PEMT: variants seen among roughly 807,000 people sequenced by gnomAD.
PEMT encodes phospholipid methyltransferase.
A neutral mutation model predicts 27.4 loss-of-function variants in PEMT; 23 were observed. The observed-to-expected ratio is 0.84, with a 90% CI of 0.60 to 1.19. The LOEUF (loss-of-function observed/expected upper bound fraction) is 1.19. Ranked by LOEUF, PEMT falls within the 50% of genes most tolerant of loss-of-function variation. PEMT has a pLI of 0.00. For missense variants in PEMT, 307 were observed against 310.1 expected, an observed-to-expected ratio of 0.99 and a Z score of 0.07; for synonymous variants, 137 against 139.1, an observed-to-expected ratio of 0.98 and a Z score of 0.11.
chr17:17,591,731 C>T, upstream of PEMT: 1 of 1,487,472 alleles, frequency 6.7e-7, no homozygotes. Context: ...GGCGCTTTCC[C>T]GGTGACCCCC....
chr17:17,556,331 T>C lies in PEMT; in HGVS notation c.204+20589A>G, dbSNP rs577752168. Among the ~76,000 whole-genome samples the C allele has an allele frequency of 4.0e-5, 6 of 151,416 alleles. No homozygotes were observed. In the East Asian group the frequency reaches 1.2e-3, roughly 29 times the overall value. On this transcript the variant is annotated intron_variant, in intron 2 of 6. Transcript: ENST00000255389. ...TGGATGCTCAGCCAAGGCCGGAGCCTTCTGCATGGGAGCCTTCCTTCCTTC... is the reference window on the plus strand; with the variant it reads ...TGGATGCTCAGCCAAGGCCGGAGCCCTCTGCATGGGAGCCTTCCTTCCTTC...
At position 17,505,809 on chromosome 17, in the gene PEMT, C is replaced by T. The variant is rs1905778122; in HGVS notation, c.693G>A (p.Gly231=). 1.2e-6 allele frequency: 2 copies of T among 1,611,486 alleles called. No homozygotes were observed. Among genetic ancestry groups the T allele is most frequent in the Non-Finnish European group, 8.5e-7 (1 of 1,178,670 alleles). The change falls in exon 7 of 7, where the codon GGG becomes GGA. Residue 231 remains glycine, a synonymous_variant. Coordinates refer to ENST00000255389, the MANE Select transcript of PEMT (RefSeq NM_148172.3). ...AGCTCAATCAGCTCCTCTTGTGGGA[C>T]CCGGAGGCTTTCTGCCGGTAGATCT... ...TAEIYRQKAS[G]SHKRS
At chr17:17,562,882 C>A (rs1188560174) in intron 2 of PEMT, among the ~76,000 whole-genome samples, 1 of 152,146 alleles carries the variant, frequency 6.6e-6, no homozygotes, top group African/African-American at 2.4e-5. Context: ...TTCCCCATCC[C>A]CCTGCCCCAT....
intron 1 of PEMT, among the ~76,000 whole-genome samples, chr17:17,586,324 C>A (rs1490763544): frequency 6.7e-6 from 1 of 150,006 alleles, no homozygotes; most frequent in African/African-American, 2.4e-5. Context: ...CGGGAGGACG[C>A]AGCTGACCTG....
chr17:17,512,954 G>A lies in PEMT; in HGVS notation c.321-300C>T, dbSNP rs1906531766. Among the ~76,000 whole-genome samples, 1 of 152,182 alleles carries A rather than the reference G, an allele frequency of 6.6e-6. No homozygotes were observed. Among genetic ancestry groups the A allele is most frequent in the Admixed American group, 6.5e-5 (1 of 15,286 alleles). ...TAGACAATTCATGAAAGCCACTTTAGACCCTGCATGTGAGCAGGCTGGATT... is the reference window on the plus strand; with the variant it reads ...TAGACAATTCATGAAAGCCACTTTAAACCCTGCATGTGAGCAGGCTGGATT... On this transcript the variant is annotated intron_variant, in intron 3 of 6. Transcript: ENST00000255389. This position sits in a 1 kb window ranked among gnomAD's most constrained non-coding sequence, Gnocchi z 6.3.
chr17:17,566,068 AC>A, intron 2 of PEMT, among the ~76,000 whole-genome samples: 1 of 152,234 alleles, frequency 6.6e-6, no homozygotes, highest in Non-Finnish European at 1.5e-5. Flanking sequence ...GTTTTGGGTC[AC>A]CAAGTAGGTT....
At chr17:17,567,320 C>T (rs906345544) in intron 2 of PEMT, among the ~76,000 whole-genome samples, 4 of 152,270 alleles carry the variant, frequency 2.6e-5, no homozygotes, top group African/African-American at 7.2e-5. Context: ...TTTGTCACCA[C>T]GTTGCTCAGG....
At chr17:17,573,990 C>G (rs2142734320) in intron 2 of PEMT, among the ~76,000 whole-genome samples, 1 of 152,104 alleles carries the variant, frequency 6.6e-6, no homozygotes, top group East Asian at 1.9e-4. Context: ...CCATGTTCCC[C>G]AGGATGGTCT....
chr17:17,514,152 G>A (rs1567667723), intron 3 of PEMT, among the ~76,000 whole-genome samples: 1 of 152,200 alleles, frequency 6.6e-6, no homozygotes, highest in South Asian at 2.1e-4. Flanking sequence ...GCAGATTGAA[G>A]CCCCCATCTT....
chr17:17,587,327 G>A (rs1912368566), intron 1 of PEMT, among the ~76,000 whole-genome samples: 2 of 152,100 alleles, frequency 1.3e-5, no homozygotes, highest in Non-Finnish European at 2.9e-5. Flanking sequence ...AAGTAACTTA[G>A]ATGAAATGAA....
intron 4 of PEMT, among the ~76,000 whole-genome samples, chr17:17,510,599 A>G (rs1211507235): frequency 6.6e-6 from 1 of 152,228 alleles, no homozygotes; most frequent in Non-Finnish European, 1.5e-5. Flanking sequence ...TAGATGGCAC[A>G]GAAACCCAAT....
intron 3 of PEMT, among the ~76,000 whole-genome samples, chr17:17,519,237 G>C (rs922751646): frequency 1.3e-5 from 2 of 152,174 alleles, no homozygotes; most frequent in African/African-American, 4.8e-5. Context: ...CAGGGGCCTG[G>C]AGGGGAAGAA....
At position 17,522,372 on chromosome 17, in the gene PEMT, G is replaced by A. The variant is rs145893722; in HGVS notation, c.228C>T (p.Thr76=). 35 of 1,613,558 alleles carry A rather than the reference G, an allele frequency of 2.2e-5. No homozygotes were observed. The African/African-American group carries it at 4.3e-4, about 20-fold the overall frequency. ...WNVVARWEHK[T]RKLSRAFGSP... is the part of the protein sequence containing the mutation. ...ATCCGAAGGCCCTGCTCAGCTTGCG[G>A]GTCTTGTGTTCCCATCGTGCAACCT... is the stretch of plus-strand genomic sequence containing the variant. The change falls in exon 3 of 7, where the codon ACC becomes ACT. Residue 76 remains threonine (T), a synonymous_variant. Transcript: ENST00000255389.
At chr17:17,510,441 C>T (rs1375532717) in intron 4 of PEMT, among the ~76,000 whole-genome samples, 1 of 152,172 alleles carries the variant, frequency 6.6e-6, no homozygotes, top group Non-Finnish European at 1.5e-5. Flanking sequence ...TCATCCAAGG[C>T]GGAAAGTAGG....
chr17:17,560,578 G>A (rs1294181088), intron 2 of PEMT, among the ~76,000 whole-genome samples: 1 of 152,222 alleles, frequency 6.6e-6, no homozygotes, highest in African/African-American at 2.4e-5. Context: ...CCGGGGAGGG[G>A]TTAGAGAACC....
intron 2 of PEMT, among the ~76,000 whole-genome samples, chr17:17,537,780 G>A (rs1908589331): frequency 6.6e-6 from 1 of 152,246 alleles, no homozygotes; most frequent in African/African-American, 2.4e-5. Context: ...ATTTCCCGGG[G>A]AGGGAGATTT....
At chr17:17,536,311 C>A (rs1908468612) in intron 2 of PEMT, among the ~76,000 whole-genome samples, 1 of 152,188 alleles carries the variant, frequency 6.6e-6, no homozygotes, top group African/African-American at 2.4e-5. Context: ...CAGTTATGAC[C>A]CCTGCCACAT....
intron 2 of PEMT, among the ~76,000 whole-genome samples, chr17:17,567,587 T>G (rs528649348): frequency 6.6e-6 from 1 of 152,376 alleles, no homozygotes; most frequent in African/African-American, 2.4e-5. Flanking sequence ...GCGTGGGCAC[T>G]GGGGACAAGG....
At chr17:17,547,078 C>A (rs1169572890) in intron 2 of PEMT, among the ~76,000 whole-genome samples, 2 of 152,242 alleles carry the variant, frequency 1.3e-5, no homozygotes. Context: ...TGGGGGGCAC[C>A]CAATGTTCCC....
Sources: allele counts gnomAD v4.1 joint callset (sites outside exome capture counted in the v4.1 genomes callset), GRCh38; gene constraint gnomAD v4.1.1; non-coding constraint Gnocchi (gnomAD v3.1); transcripts MANE v1.5; gene names NCBI Gene and HGNC (gene_info 2026-07-23, HGNC 2026-07-21).